Variants in KIF1A observed in about 807,000 individuals in gnomAD.
The protein encoded by KIF1A is kinesin-like protein KIF1A.
In KIF1A, 46 loss-of-function variants were observed where a neutral mutation model predicts 227.3. The ratio of observed to expected loss-of-function variants is 0.20; its 90% confidence interval spans 0.16 to 0.26. The LOEUF (loss-of-function observed/expected upper bound fraction) is 0.26, where lower values mean the gene tolerates loss of function less well. Ranked by LOEUF, KIF1A falls within the 10% of genes least tolerant of loss-of-function variation. KIF1A has a pLI of 1.00. For synonymous variants in KIF1A, 1,022 were observed against 1,012.8 expected (o/e 1.01, Z -0.17); for missense variants, 1,683 against 2,485.9 (o/e 0.68, Z 6.87).
At position 240,744,006 on chromosome 2, in the gene KIF1A, C is replaced by T; in HGVS notation, c.3520G>A (p.Val1174Ile). 1 of 1,613,828 alleles carries T rather than the reference C, an allele frequency of 6.2e-7. No homozygotes were observed. The highest frequency in any genetic ancestry group is 8.5e-7 in the Non-Finnish European group (1 of 1,179,826). Residue 1174 changes from valine to isoleucine, a missense_variant, in exon 33 of 49, where the codon GTT becomes ATT. Val to Ile is a conservative substitution (Grantham distance 29). This residue lies in a region of KIF1A where 759 missense variants were observed against 1,020.2 expected (regional missense o/e 0.74). Coordinates refer to ENST00000498729, the MANE Select transcript of KIF1A (RefSeq NM_001244008.2). ...FIEYIKSQPIVFEVFGHYQQH... is the reference protein window; with the variant it reads ...FIEYIKSQPIIFEVFGHYQQH... ...TGGTAGTGGCCAAAGACCTCGAAAA[C>T]AATGGGCTGGCTCTTGATGTACTCA...
intron 28 of KIF1A, among the ~76,000 whole-genome samples, chr2:240,749,697 G>A (rs895230360): frequency 7.0e-6 from 1 of 141,890 alleles, no homozygotes; most frequent in Non-Finnish European, 1.5e-5. Context: ...CAGGTGGGGA[G>A]CATTACAACG....
intron 1 of KIF1A, among the ~76,000 whole-genome samples, chr2:240,815,984 G>A (rs1038792434): frequency 4.6e-5 from 7 of 152,248 alleles, no homozygotes; most frequent in Admixed American, 1.3e-4. Flanking sequence ...CCCACCCCTG[G>A]AAACCTATGG....
At chr2:240,785,974 C>G (rs1327780656) in intron 6 of KIF1A, among the ~76,000 whole-genome samples, 1 of 152,138 alleles carries the variant, frequency 6.6e-6, no homozygotes, top group East Asian at 1.9e-4. Context: ...CCCACATGCC[C>G]CCTGACCCCA....
In KIF1A at chr2:240,763,079, C is replaced by A. The variant is rs779460275; in HGVS notation, c.1962G>T (p.Leu654=). The change falls in exon 22 of 49, where the codon CTG becomes CTT. Residue 654 remains leucine (L), a synonymous_variant. Transcript: ENST00000498729. ...KQEMEQRLQE[L]EDQYRREREE... is the part of the protein sequence containing the mutation. Reference sequence around the variant, plus strand: ...CCCGCTCGCGGCGGTACTGGTCCTCCAGTTCCTGGAGCCTGCAAGGGGGCA... The same window carrying A: ...CCCGCTCGCGGCGGTACTGGTCCTCAAGTTCCTGGAGCCTGCAAGGGGGCA... The A allele has an allele frequency of 7.0e-6, 11 of 1,575,384 alleles. No homozygotes were observed. Among genetic ancestry groups the A allele is most frequent in the Non-Finnish European group, 1.7e-6 (2 of 1,162,384 alleles).
chr2:240,763,060 C>G lies in KIF1A; in HGVS notation c.1981G>C (p.Glu661Gln). Residue 661 changes from glutamate to glutamine, a missense_variant, in exon 22 of 49, where the codon GAG (glutamate) becomes CAG (glutamine). Physicochemically the swap from Glu to Gln is conservative, Grantham distance 29 (BLOSUM62 2). This residue lies in a region of KIF1A where 217 missense variants were observed against 427.0 expected (regional missense o/e 0.51). Transcript: ENST00000498729. ...AGCAGGTAGGTGGCCTCCTCCCGCT[C>G]GCGGCGGTACTGGTCCTCCAGTTCC... ...LQELEDQYRR[E>Q]REEATYLLEQ... 1 of 1,548,216 alleles carries G rather than the reference C, an allele frequency of 6.5e-7. No homozygotes were observed. The highest frequency in any genetic ancestry group is 8.7e-7 in the Non-Finnish European group (1 of 1,148,850).
intron 1 of KIF1A, among the ~76,000 whole-genome samples, chr2:240,806,073 C>G (rs1399975991): frequency 6.6e-6 from 1 of 152,186 alleles, no homozygotes; most frequent in East Asian, 1.9e-4. Context: ...ATAGGCAGTG[C>G]AGGACTGTGA....
intron 38 of KIF1A, among the ~76,000 whole-genome samples, chr2:240,729,860 T>C (rs531787801): frequency 6.6e-6 from 1 of 152,250 alleles, no homozygotes; most frequent in East Asian, 1.9e-4. Flanking sequence ...CACTGTCCCC[T>C]CCCCCAGGTG....
At chr2:240,721,775 G>C in intron 44 of KIF1A, 32 bp downstream of exon 44, 1 of 1,574,788 alleles carries the variant, frequency 6.4e-7, no homozygotes, top group Non-Finnish European at 8.6e-7. Context: ...CGAGCCCTGC[G>C]GGGCAGCCTG....
At chr2:240,760,877 C>G in intron 24 of KIF1A, 34 bp from the exon 25 acceptor site, 1 of 1,583,430 alleles carries the variant, frequency 6.3e-7, no homozygotes, top group Non-Finnish European at 8.6e-7. Context: ...TCGTCAGCTC[C>G]TTGGGGGACA....
rs4998256 is a variant in KIF1A, at chr2:240,786,802, T to C, written c.430-289A>G. On this transcript the variant is annotated intron_variant, in intron 5 of 48. Coordinates refer to ENST00000498729, the MANE Select transcript of KIF1A (RefSeq NM_001244008.2). ...GACCCCTGAGTGAGGGGGTGGGGGC[T>C]GCCATCAGGACCCCTGAGTGAGAGG... 0.077 allele frequency among the ~76,000 whole-genome samples: 2,222 copies of C among 28,792 alleles called. 143 individuals carry two copies. Among genetic ancestry groups the C allele is most frequent in the African/African-American group, 0.13 (1,181 of 8,862 alleles). 18.9% of individuals were successfully genotyped at this position (28,792 alleles called of 152,430 possible).
At position 240,740,008 on chromosome 2, in the gene KIF1A, TC is replaced by T; in HGVS notation, c.3901+49del. On this transcript the variant is annotated intron_variant, in intron 37 of 48. Transcript: ENST00000498729. This position sits in a 1 kb window ranked among gnomAD's most constrained non-coding sequence, Gnocchi z 6.1. ...GTATCCAGCTCAGGGCCTGTACTCT[TC>T]CCACCAGCTCAGCCCCACCCACCAA... 9 of 1,448,474 alleles carry T rather than the reference TC, an allele frequency of 6.2e-6. No individual in the cohort carries two copies. The highest frequency in any genetic ancestry group is 6.6e-6 in the Non-Finnish European group (7 of 1,052,694). 89.7% of individuals were successfully genotyped at this position (1,448,474 alleles called of 1,614,324 possible).
chr2:240,783,198 T>C lies in KIF1A; in HGVS notation c.799-89A>G, dbSNP rs377569677. On this transcript the variant is annotated intron_variant, in intron 8 of 48. Transcript: ENST00000498729. ...GGATGCCCTGGGTGGACCTGTGCAG[T>C]GTGGAGTGGAGGCCACCACTGCAGC... The C allele has an allele frequency of 4.6e-5, 47 of 1,020,320 alleles. No individual in the cohort carries two copies. The East Asian group carries it at 9.6e-4, about 21-fold the overall frequency. 63.2% of individuals were successfully genotyped at this position (1,020,320 alleles called of 1,614,324 possible). A position where few individuals can be genotyped will look rare whatever the true frequency, so the allele number is the denominator to read the frequency against.
intron 38 of KIF1A, among the ~76,000 whole-genome samples, chr2:240,727,913 G>A (rs546959858): frequency 7.1e-4 from 108 of 152,292 alleles, no homozygotes; most frequent in Admixed American, 1.6e-3. Flanking sequence ...GGTCATACCC[G>A]AGGTGGACAA....
Position 240,717,293 on chromosome 2 carries a change from A to G in KIF1A, c.*71T>C. 2 of 1,424,082 alleles carry G rather than the reference A, an allele frequency of 1.4e-6. No individual in the cohort carries two copies. The highest frequency in any genetic ancestry group is 2.0e-6 in the Non-Finnish European group (2 of 1,017,862). The allele number at this position is 1,424,082 out of a possible 1,614,324, so 88.2% of individuals were successfully genotyped here. On this transcript the variant is annotated 3_prime_UTR_variant, in exon 49 of 49. Coordinates refer to ENST00000498729, the MANE Select transcript of KIF1A (RefSeq NM_001244008.2). ...TCTGGCAGGAGAGGGGCTGGGCGGC[A>G]GGTGACAGGACAGACGAGGATGAGG...
chr2:240,734,220 TC>T (rs1227689103), intron 38 of KIF1A, among the ~76,000 whole-genome samples: 3 of 152,222 alleles, frequency 2.0e-5, no homozygotes, highest in Non-Finnish European at 2.9e-5. Flanking sequence ...CTGGGCTGGA[TC>T]CTGTCTGCCC....
intron 12 of KIF1A, among the ~76,000 whole-genome samples, chr2:240,773,813 G>C (rs1559516094): frequency 1.3e-5 from 2 of 152,040 alleles, no homozygotes; most frequent in African/African-American, 2.4e-5. Flanking sequence ...CCCACCCCAG[G>C]TGCCCACCCT....
chr2:240,795,920 G>A (rs1053947377), intron 2 of KIF1A, among the ~76,000 whole-genome samples: 1 of 152,182 alleles, frequency 6.6e-6, no homozygotes, highest in Non-Finnish European at 1.5e-5. Flanking sequence ...GCTGCTCGAC[G>A]GGTCTGGTTC....
chr2:240,817,286 C>T (rs943669377), intron 1 of KIF1A, among the ~76,000 whole-genome samples: 6 of 152,186 alleles, frequency 3.9e-5, no homozygotes, highest in East Asian at 1.9e-4. Flanking sequence ...TTCTCAGAGA[C>T]GCTCCTGGGC....
rs1285320408 is a variant in KIF1A, at chr2:240,739,273, T to C, written c.3901+785A>G. Among the ~76,000 whole-genome samples, 1 of 152,236 alleles carries C rather than the reference T, an allele frequency of 6.6e-6. No individual in the cohort carries two copies. Among genetic ancestry groups the C allele is most frequent in the African/African-American group, 2.4e-5 (1 of 41,466 alleles). On this transcript the variant is annotated intron_variant, in intron 37 of 48. Coordinates refer to ENST00000498729, the MANE Select transcript of KIF1A (RefSeq NM_001244008.2). This position sits in a 1 kb window ranked among gnomAD's most constrained non-coding sequence, Gnocchi z 5.6. ...AGTGACACACTTGAATGGATGACTG[T>C]CTGCCTCCTTGAATGAAAACTGAGA...
Sources: gnomAD v4.1 joint callset for allele counts (sites outside exome capture counted in the v4.1 genomes callset) on GRCh38, gnomAD v4.1.1 for gene constraint, gnomAD v4.1.1 regional missense constraint, Gnocchi (gnomAD v3.1) non-coding constraint, MANE v1.5 for transcripts, NCBI Gene and HGNC (gene_info 2026-07-23, HGNC 2026-07-21) for gene names.